The following BBS9 variants were observed in gnomAD, a reference collection of about 807,000 sequenced individuals.
The protein encoded by BBS9 is Bardet-Biedl syndrome 9.
Under a neutral mutation model 117.7 loss-of-function variants are expected in BBS9, and 89 were observed. The observed-to-expected ratio is 0.76, with a 90% CI of 0.64 to 0.90. The LOEUF (loss-of-function observed/expected upper bound fraction) is 0.90, where lower values mean the gene tolerates loss of function less well. Among genes scored for constraint, BBS9 ranks in the 40% least tolerant of loss-of-function variants. The probability of loss-of-function intolerance (pLI) is 0.00; values close to 1 mark genes in which losing one functional copy is unlikely to be tolerated. For missense variants in BBS9, 982 were observed against 1,042.2 expected, an observed-to-expected ratio of 0.94 and a Z score of 0.80; for synonymous variants, 379 against 370.9, an observed-to-expected ratio of 1.02 and a Z score of -0.25.
intron 2 of BBS9, among the ~76,000 whole-genome samples, chr7:33,150,234 G>A (rs1011547678): frequency 6.6e-6 from 1 of 152,170 alleles, no homozygotes; most frequent in Non-Finnish European, 1.5e-5. Context: ...CAAAGACCCT[G>A]AGTTTTATTC....
chr7:33,619,615 C>T (rs1411494396), intron 21 of BBS9, among the ~76,000 whole-genome samples: 3 of 152,144 alleles, frequency 2.0e-5, no homozygotes, highest in African/African-American at 4.8e-5. Flanking sequence ...GGTCACAAAA[C>T]AAGTCCTAAC....
At chr7:33,560,003 C>G (rs183527397) in intron 21 of BBS9, among the ~76,000 whole-genome samples, 1 of 152,216 alleles carries the variant, frequency 6.6e-6, no homozygotes, top group Admixed American at 6.5e-5. Flanking sequence ...TAACGCCATT[C>G]ATGACTCTTC....
chr7:33,251,423 A>G (rs1417252635), intron 5 of BBS9, among the ~76,000 whole-genome samples: 2 of 152,194 alleles, frequency 1.3e-5, no homozygotes, highest in South Asian at 2.1e-4. Flanking sequence ...CCTCAAGCTT[A>G]GAGTGAGGTC....
At chr7:33,392,074 A>C (rs2128766897) in intron 19 of BBS9, among the ~76,000 whole-genome samples, 1 of 152,304 alleles carries the variant, frequency 6.6e-6, no homozygotes, top group African/African-American at 2.4e-5. Context: ...ATTTAGTGAG[A>C]ATCTAATCTC....
chr7:33,343,825 A>T (rs1391568031), intron 11 of BBS9, among the ~76,000 whole-genome samples: 1 of 151,718 alleles, frequency 6.6e-6, no homozygotes, highest in Non-Finnish European at 1.5e-5. Flanking sequence ...GTGTAAGGCC[A>T]CTCAATCTTT....
At position 33,271,646 on chromosome 7, in the gene BBS9, C is replaced by T. The variant is rs1799819435; in HGVS notation, c.703-1366C>T. 5.3e-5 allele frequency among the ~76,000 whole-genome samples: 8 copies of T among 152,320 alleles called. No homozygotes were observed. The South Asian group carries it at 1.7e-3, about 32-fold the overall frequency. ...CATAATAGTAAAGGGTTCAATTCAA[C>T]ATGAAGATCTAACTATCCTAAATAT... On this transcript the variant is annotated intron_variant, in intron 7 of 22. Transcript: ENST00000242067.
chr7:33,266,350 G>C (rs1798817468), intron 7 of BBS9, among the ~76,000 whole-genome samples: 2 of 152,202 alleles, frequency 1.3e-5, no homozygotes, highest in Non-Finnish European at 2.9e-5. Context: ...TAATAAGATA[G>C]TTGTGGGAAG....
Position 33,129,994 on chromosome 7 carries a change from C to T in BBS9, c.-59C>T, listed in dbSNP as rs1410986923. On this transcript the variant is annotated 5_prime_UTR_variant, in exon 1 of 23. The change creates a new upstream start codon in the 5' untranslated region. Transcript: ENST00000242067. Reference sequence around the variant, plus strand: ...CGTTCATAAAGCAAAATTTGCCGAACGAGGGTTCGCAGAAAGGTGGGGCAG... The same window carrying T: ...CGTTCATAAAGCAAAATTTGCCGAATGAGGGTTCGCAGAAAGGTGGGGCAG... 1 of 152,168 alleles carries T rather than the reference C, an allele frequency of 6.6e-6. No individual in the cohort carries two copies. The highest frequency in any genetic ancestry group is 1.5e-5 in the Non-Finnish European group (1 of 68,084). 9.4% of individuals were successfully genotyped at this position (152,168 alleles called of 1,614,324 possible).
At chr7:33,410,444 C>A (rs1830907718) in intron 19 of BBS9, among the ~76,000 whole-genome samples, 1 of 152,114 alleles carries the variant, frequency 6.6e-6, no homozygotes, top group South Asian at 2.1e-4. Flanking sequence ...GTCACCTCTC[C>A]CATTTCTCCC....
chr7:33,230,024 T>C (rs1583757517), intron 5 of BBS9, among the ~76,000 whole-genome samples: 1 of 152,202 alleles, frequency 6.6e-6, no homozygotes, highest in East Asian at 1.9e-4. Context: ...GTTGAGCACC[T>C]TATCATATAC....
chr7:33,273,551 C>T (rs1353402476), intron 8 of BBS9, among the ~76,000 whole-genome samples: 1 of 152,064 alleles, frequency 6.6e-6, no homozygotes, highest in Non-Finnish European at 1.5e-5. Context: ...CGTAGTAAAT[C>T]ATTAGCTTAA....
At chr7:33,576,689 A>G (rs1008514107) in intron 21 of BBS9, among the ~76,000 whole-genome samples, 4 of 152,114 alleles carry the variant, frequency 2.6e-5, no homozygotes, top group Non-Finnish European at 4.4e-5. Flanking sequence ...AAACAGCATG[A>G]TACTGGTACC....
intron 4 of BBS9, among the ~76,000 whole-genome samples, chr7:33,175,257 G>A (rs116223246): frequency 0.014 from 2,176 of 151,818 alleles, 55 homozygotes; most frequent in African/African-American, 0.05. Context: ...TGGAAATTGT[G>A]CCACTGAACT....
intron 5 of BBS9, among the ~76,000 whole-genome samples, chr7:33,201,131 A>G (rs1386439919): frequency 1.3e-5 from 2 of 152,070 alleles, no homozygotes; most frequent in Non-Finnish European, 2.9e-5. Context: ...TTTGGGGACC[A>G]TGGGCATAAT....
chr7:33,520,202 C>T (rs375345525), intron 20 of BBS9, among the ~76,000 whole-genome samples: 2 of 151,984 alleles, frequency 1.3e-5, no homozygotes, highest in Admixed American at 6.6e-5. Context: ...AAATACAAAA[C>T]GAGGGTTCAC....
In BBS9 at chr7:33,557,303, T is replaced by C. The variant is rs4537221; in HGVS notation, c.2521+23127T>C. Among the ~76,000 whole-genome samples, 270 of 152,330 alleles carry C rather than the reference T, an allele frequency of 1.8e-3. 1 individual carries two copies. The highest frequency in any genetic ancestry group is 6.4e-3 in the African/African-American group (265 of 41,576). On this transcript the variant is annotated intron_variant, in intron 21 of 22. Transcript: ENST00000242067. ...ATGTCTAGTAATTATGCACTCAGTT[T>C]CCATTTGAGTAGCTTTTCGAATTAG...
intron 4 of BBS9, among the ~76,000 whole-genome samples, chr7:33,168,472 A>G (rs1796035664): frequency 2.0e-5 from 3 of 152,204 alleles, no homozygotes; most frequent in Admixed American, 6.5e-5. Context: ...CAACGCATAA[A>G]TGAAAATATT....
At chr7:33,408,362 A>T (rs927842063) in intron 19 of BBS9, among the ~76,000 whole-genome samples, 3 of 152,140 alleles carry the variant, frequency 2.0e-5, no homozygotes, top group African/African-American at 4.8e-5. Flanking sequence ...TGACCAGGAA[A>T]GGGAACTCCC....
chr7:33,418,462 CT>C (rs1308246648), intron 19 of BBS9, among the ~76,000 whole-genome samples: 1 of 152,170 alleles, frequency 6.6e-6, no homozygotes, highest in African/African-American at 2.4e-5. Context: ...TGTTCTATTT[CT>C]TTTTTGCCAA....
Sources: gnomAD v4.1 joint callset for allele counts (sites outside exome capture counted in the v4.1 genomes callset) on GRCh38, gnomAD v4.1.1 for gene constraint, MANE v1.5 for transcripts, NCBI Gene and HGNC (gene_info 2026-07-23, HGNC 2026-07-21) for gene names.